The following ARHGAP29 variants were observed in gnomAD, a reference collection of about 807,000 sequenced individuals.
ARHGAP29 encodes the protein Rho GTPase activating protein 29.
A neutral mutation model predicts 122.6 loss-of-function variants in ARHGAP29; 43 were observed. The observed-to-expected ratio is 0.35, with a 90% CI of 0.27 to 0.45. ARHGAP29 has a LOEUF of 0.45. ARHGAP29 is among the 20% of genes least tolerant of loss of function. The pLI is 1.00. For missense variants in ARHGAP29, 1,303 were observed against 1,477.2 expected (o/e 0.88, Z 1.93); for synonymous variants, 506 against 497.1 (o/e 1.02, Z -0.24).
the ARHGAP29 span, among the ~76,000 whole-genome samples, chr1:94,295,747 A>ACAATGTGGAATCTTCTAATTCCACC: frequency 6.6e-6 from 1 of 152,236 alleles, no homozygotes; most frequent in African/African-American, 2.4e-5. Context: ...CTAATTCCAC[A>ACAATGTGGAATCTTCTAATTCCACC]CAATGTGGAA....
intron 2 of ARHGAP29, among the ~76,000 whole-genome samples, chr1:94,224,625 C>A (rs754228096): frequency 1.1e-4 from 17 of 152,252 alleles, no homozygotes; most frequent in Middle Eastern, 3.4e-3. Flanking sequence ...ATAAAAAACT[C>A]TTTGGAGTCC....
rs771414214 is a variant in ARHGAP29 at position 94,184,298 on chromosome 1, A to T, written c.2110-10T>A. 1 of 1,587,212 alleles carries T rather than the reference A, an allele frequency of 6.3e-7. No individual in the cohort carries two copies. The highest frequency in any genetic ancestry group is 1.2e-5 in the South Asian group (1 of 84,460). ...ACACACGATAAATTCCCTTCAATAG[A>T]AAAGAAAAAAATTTTGCAAAATTCT... On this transcript the variant is annotated splice_polypyrimidine_tract_variant and intron_variant, in intron 18 of 22. Coordinates refer to ENST00000260526, the MANE Select transcript of ARHGAP29 (RefSeq NM_004815.4).
At chr1:94,194,284 CT>C (rs1650307891) in intron 12 of ARHGAP29, 1 of 152,110 alleles carries the variant, frequency 6.6e-6, no homozygotes, top group South Asian at 2.1e-4. Context: ...TTTCAGGTAA[CT>C]AGTAATCTCA....
At chr1:94,238,903 C>T (rs566287577), upstream of ARHGAP29, among the ~76,000 whole-genome samples, 43 of 152,214 alleles carry the variant, frequency 2.8e-4, no homozygotes, top group African/African-American at 9.9e-4. Context: ...TGAACCCTTA[C>T]AGGAAAAACA....
chr1:94,199,506 G>A (rs1473948723), intron 12 of ARHGAP29, among the ~76,000 whole-genome samples: 2 of 152,178 alleles, frequency 1.3e-5, no homozygotes, highest in African/African-American at 4.8e-5. Flanking sequence ...CCTAGAGATA[G>A]CCAAGGGCAC....
At chr1:94,204,159 T>A (rs1276378298) in intron 7 of ARHGAP29, among the ~76,000 whole-genome samples, 165 bp from the exon 8 acceptor site, 1 of 151,974 alleles carries the variant, frequency 6.6e-6, no homozygotes, top group African/African-American at 2.4e-5. Flanking sequence ...TTTTTTTTTT[T>A]TAAAAAGAGA....
chr1:94,312,199 C>T, the ARHGAP29 span, among the ~76,000 whole-genome samples: 2 of 149,054 alleles, frequency 1.3e-5, no homozygotes, highest in African/African-American at 2.6e-5. Flanking sequence ...AGGCTTTCCT[C>T]CCCATCCTTC....
At chr1:94,303,549 A>T in the ARHGAP29 span, among the ~76,000 whole-genome samples, 1 of 152,222 alleles carries the variant, frequency 6.6e-6, no homozygotes, top group African/African-American at 2.4e-5. Flanking sequence ...ACACTTAAAA[A>T]TGGTTAAAAT....
intron 19 of ARHGAP29, among the ~76,000 whole-genome samples, chr1:94,182,072 C>A (rs1043846792): frequency 6.9e-6 from 1 of 145,556 alleles, no homozygotes; most frequent in Non-Finnish European, 1.5e-5. Flanking sequence ...TTCTATTGGA[C>A]AAGGCTAGAG....
chr1:94,178,148 C>T lies in ARHGAP29; in HGVS notation c.2500G>A (p.Glu834Lys). 6.2e-7 allele frequency: 1 copy of T among 1,613,696 alleles called. No individual in the cohort carries two copies. Among genetic ancestry groups the T allele is most frequent in the Non-Finnish European group, 8.5e-7 (1 of 1,179,802 alleles). The change falls in exon 21 of 23, where the codon GAA (glutamate) becomes AAA (lysine). Residue 834 changes from glutamate (E) to lysine (K), a missense_variant. Coordinates refer to ENST00000260526, the MANE Select transcript of ARHGAP29 (RefSeq NM_004815.4). Reference sequence around the variant, plus strand: ...AAGTTTTTGGAGTTCATCTTGTTTTCTTCTGCATGATCTACTACCCTGCAA... The same window carrying T: ...AAGTTTTTGGAGTTCATCTTGTTTTTTTCTGCATGATCTACTACCCTGCAA... Reference protein sequence around the residue: ...HLKRVVDHAEENKMNSKNLGV... With the variant: ...HLKRVVDHAEKNKMNSKNLGV...
At chr1:94,225,004 A>G (rs1299094793) in intron 2 of ARHGAP29, among the ~76,000 whole-genome samples, 1 of 152,208 alleles carries the variant, frequency 6.6e-6, no homozygotes, top group Non-Finnish European at 1.5e-5. Context: ...AATGAACATG[A>G]TGACTAAATA....
chr1:94,226,631 T>C (rs1444936051), intron 2 of ARHGAP29, among the ~76,000 whole-genome samples: 2 of 151,972 alleles, frequency 1.3e-5, no homozygotes, highest in Non-Finnish European at 2.9e-5. Context: ...TAGTTACTAC[T>C]ATAAACATTG....
At chr1:94,295,576 C>T in the ARHGAP29 span, among the ~76,000 whole-genome samples, 305 of 151,928 alleles carry the variant, frequency 2.0e-3, no homozygotes, top group African/African-American at 7.1e-3. Flanking sequence ...AACTAGATAT[C>T]GGGAAAAGAT....
At chr1:94,204,956 A>C in intron 7 of ARHGAP29, 105 bp downstream of exon 7, 1 of 1,092,744 alleles carries the variant, frequency 9.2e-7, no homozygotes, top group Non-Finnish European at 1.3e-6. Flanking sequence ...CATTATAATG[A>C]AACAGGTACT....
intron 15 of ARHGAP29, among the ~76,000 whole-genome samples, chr1:94,188,547 T>C (rs1368527170): frequency 6.6e-6 from 1 of 152,048 alleles, no homozygotes; most frequent in Non-Finnish European, 1.5e-5. Flanking sequence ...ACATTTAAAA[T>C]AGCTAGAGAA....
chr1:94,239,642 G>A (rs2100673310), upstream of ARHGAP29, among the ~76,000 whole-genome samples: 1 of 151,712 alleles, frequency 6.6e-6, no homozygotes, highest in East Asian at 2.0e-4. Context: ...AAATGAGATG[G>A]AGAGAGATAA....
chr1:94,189,111 A>AC (rs1476903077), intron 14 of ARHGAP29, 105 bp downstream of exon 14: 1 of 1,446,240 alleles, frequency 6.9e-7, no homozygotes, highest in African/African-American at 1.4e-5. Flanking sequence ...AAACTTACAA[A>AC]CTAAGGCCTG....
At chr1:94,222,657 G>A (rs942714563) in intron 2 of ARHGAP29, among the ~76,000 whole-genome samples, 1 of 151,980 alleles carries the variant, frequency 6.6e-6, no homozygotes, top group African/African-American at 2.4e-5. Flanking sequence ...ATAGGATCCT[G>A]GAAAATAATA....
At chr1:94,292,280 C>T in the ARHGAP29 span, among the ~76,000 whole-genome samples, 3 of 152,160 alleles carry the variant, frequency 2.0e-5, no homozygotes, top group South Asian at 2.1e-4. Context: ...ACGAAGTTCT[C>T]GTACTGTGGT....
Sources: allele counts gnomAD v4.1 joint callset (sites outside exome capture counted in the v4.1 genomes callset), GRCh38; gene constraint gnomAD v4.1.1; transcripts MANE v1.5; gene names NCBI Gene and HGNC (gene_info 2026-07-23, HGNC 2026-07-21).